The following RARB variants were observed in gnomAD, a reference collection of about 807,000 sequenced individuals.
RARB encodes the protein HBV-activated protein.
RARB carries 17 observed loss-of-function variants against 51.9 expected under a neutral mutation model. The ratio of observed to expected loss-of-function variants is 0.33; its 90% confidence interval spans 0.22 to 0.49. The LOEUF (loss-of-function observed/expected upper bound fraction) is 0.49, where lower values mean the gene tolerates loss of function less well. RARB is among the 20% of genes least tolerant of loss of function. The pLI, the probability that RARB is intolerant of heterozygous loss-of-function variation, is 0.99. For missense variants in RARB, 369 were observed against 550.8 expected (o/e 0.67, Z 3.30); for synonymous variants, 215 against 195.4 (o/e 1.10, Z -0.84).
chr3:25,060,944 G>A (rs1336174358), intron 3 of RARB, among the ~76,000 whole-genome samples: 1 of 151,886 alleles, frequency 6.6e-6, no homozygotes, highest in East Asian at 1.9e-4. Context: ...CACAGATGAA[G>A]CATTTGTGTA....
chr3:25,578,619 T>C (rs1423877290), intron 4 of RARB, among the ~76,000 whole-genome samples: 2 of 152,234 alleles, frequency 1.3e-5, no homozygotes, highest in Non-Finnish European at 2.9e-5. Context: ...CCACACATCT[T>C]GATCTCATGT....
At chr3:25,264,621 A>G (rs1703082987) in intron 5 of RARB, among the ~76,000 whole-genome samples, 1 of 152,242 alleles carries the variant, frequency 6.6e-6, no homozygotes, top group Non-Finnish European at 1.5e-5. Flanking sequence ...ACTAACATTT[A>G]TTAATTTTTA....
chr3:25,506,254 A>AC, intron 3 of RARB, among the ~76,000 whole-genome samples: 1 of 75,510 alleles, frequency 1.3e-5, no homozygotes, highest in Middle Eastern at 5.6e-3. Context: ...CTCCATCTCA[A>AC]AAAAAAAAAA....
At chr3:25,068,990 G>A (rs775995531) in intron 3 of RARB, among the ~76,000 whole-genome samples, 1 of 151,110 alleles carries the variant, frequency 6.6e-6, no homozygotes, top group Non-Finnish European at 1.5e-5. Context: ...CCAGTTCAGG[G>A]CAGGGAGACT....
chr3:25,197,543 C>G (rs1239357822), intron 5 of RARB, among the ~76,000 whole-genome samples: 3 of 151,754 alleles, frequency 2.0e-5, no homozygotes, highest in African/African-American at 7.3e-5. Flanking sequence ...TTGGAAAAAC[C>G]TAAAAACTCC....
intron 5 of RARB, among the ~76,000 whole-genome samples, chr3:25,265,573 AG>A (rs1246463701): frequency 6.6e-6 from 1 of 152,114 alleles, no homozygotes; most frequent in African/African-American, 2.4e-5. Context: ...CCCAGGCTCA[AG>A]TAATCCTCCC....
intron 3 of RARB, among the ~76,000 whole-genome samples, chr3:25,088,482 G>A (rs1420568763): frequency 6.6e-6 from 1 of 152,100 alleles, no homozygotes; most frequent in East Asian, 1.9e-4. Context: ...TATAGCCCTT[G>A]CTCCTCCTCT....
chr3:25,165,918 GCA>G (rs1365156544), intron 4 of RARB, among the ~76,000 whole-genome samples: 2 of 151,978 alleles, frequency 1.3e-5, no homozygotes, highest in Non-Finnish European at 2.9e-5. Flanking sequence ...TGTTTCTTTA[GCA>G]GATGGAATCT....
intron 3 of RARB, among the ~76,000 whole-genome samples, chr3:25,103,622 G>C (rs967443840): frequency 6.6e-6 from 1 of 152,226 alleles, no homozygotes; most frequent in Non-Finnish European, 1.5e-5. Flanking sequence ...GGAGAATAGA[G>C]CTGGAAACAA....
intron 2 of RARB, among the ~76,000 whole-genome samples, chr3:25,025,547 A>G (rs1362197016): frequency 6.6e-6 from 1 of 152,188 alleles, no homozygotes; most frequent in African/African-American, 2.4e-5. Flanking sequence ...AGTAGAAACT[A>G]TAAGTTACAG....
intron 4 of RARB, among the ~76,000 whole-genome samples, chr3:25,574,652 G>C (rs1204998369): frequency 6.6e-5 from 10 of 152,196 alleles, no homozygotes; most frequent in Admixed American, 4.6e-4. Context: ...GTCCTCCGAG[G>C]GGCTTGTGAA....
chr3:24,835,632 A>G (rs1702335292), intron 1 of RARB, among the ~76,000 whole-genome samples: 1 of 152,212 alleles, frequency 6.6e-6, no homozygotes, highest in South Asian at 2.1e-4. Flanking sequence ...AACCAAAAGC[A>G]TGGGAGTGGC....
At chr3:25,413,606 G>A (rs1054723981) in intron 5 of RARB, among the ~76,000 whole-genome samples, 7 of 152,106 alleles carry the variant, frequency 4.6e-5, no homozygotes, top group Non-Finnish European at 7.4e-5. Context: ...GGCAGTATAT[G>A]AAAATTTAGA....
At chr3:25,063,299 G>A (rs1698588320) in intron 3 of RARB, among the ~76,000 whole-genome samples, 1 of 151,980 alleles carries the variant, frequency 6.6e-6, no homozygotes, top group African/African-American at 2.4e-5. Context: ...CTCTTGATAA[G>A]AAAGGTGATT....
intron 2 of RARB, among the ~76,000 whole-genome samples, chr3:24,994,233 T>C (rs1382682268): frequency 6.6e-6 from 1 of 152,148 alleles, no homozygotes; most frequent in Non-Finnish European, 1.5e-5. Context: ...TTTTGGTTTT[T>C]GTTTTCATTT....
chr3:25,296,162 G>A (rs1213504477), intron 5 of RARB, among the ~76,000 whole-genome samples: 1 of 152,112 alleles, frequency 6.6e-6, no homozygotes, highest in Non-Finnish European at 1.5e-5. Context: ...CTTGAAAGAA[G>A]AAACTTAGAA....
intron 2 of RARB, among the ~76,000 whole-genome samples, chr3:25,038,386 C>CTT (rs10628337): frequency 0.42 from 64,087 of 151,792 alleles, 13,595 homozygotes; most frequent in South Asian, 0.56. Context: ...GCAGTAAAGT[C>CTT]TGGGGGAATG....
chr3:25,367,596 G>A (rs1249629329), intron 5 of RARB, among the ~76,000 whole-genome samples: 4 of 150,670 alleles, frequency 2.7e-5, no homozygotes, highest in Non-Finnish European at 4.4e-5. Context: ...TTGGCAGATC[G>A]CTTAAGCTGA....
intron 2 of RARB, among the ~76,000 whole-genome samples, chr3:24,950,616 C>T (rs891329623): frequency 1.3e-5 from 2 of 151,656 alleles, no homozygotes; most frequent in African/African-American, 4.8e-5. Flanking sequence ...AGATGGGAAC[C>T]ATTGTTGTCA....
Sources: allele counts gnomAD v4.1 joint callset (sites outside exome capture counted in the v4.1 genomes callset), GRCh38; gene constraint gnomAD v4.1.1; transcripts MANE v1.5; gene names NCBI Gene and HGNC (gene_info 2026-07-23, HGNC 2026-07-21).